ARNT2: variants seen among roughly 807,000 people sequenced by gnomAD.
The protein encoded by ARNT2 is ARNT protein 2.
In ARNT2, 36 loss-of-function variants were observed where a neutral mutation model predicts 91.7. The observed-to-expected ratio is 0.39, with a 90% CI of 0.30 to 0.52. ARNT2 has a LOEUF of 0.52. ARNT2 is among the 20% of genes least tolerant of loss of function. The probability of loss-of-function intolerance (pLI) is 0.72; values close to 1 mark genes in which losing one functional copy is unlikely to be tolerated. For missense variants in ARNT2, 775 were observed against 939.3 expected (o/e 0.83, Z 2.29); for synonymous variants, 365 against 347.1 (o/e 1.05, Z -0.57).
chr15:80,461,280 CAG>C (rs1234051044), intron 3 of ARNT2, among the ~76,000 whole-genome samples: 1 of 152,192 alleles, frequency 6.6e-6, no homozygotes, highest in African/African-American at 2.4e-5. Context: ...TTCTCAGACT[CAG>C]GGTTGAGGAT....
intron 12 of ARNT2, among the ~76,000 whole-genome samples, chr15:80,564,741 A>G (rs1342559613): frequency 8.0e-6 from 1 of 125,592 alleles, no homozygotes; most frequent in African/African-American, 3.0e-5. Flanking sequence ...GTCTGTGAGT[A>G]CCCAATGTTT....
At chr15:80,473,370 A>G (rs1013684598) in intron 4 of ARNT2, among the ~76,000 whole-genome samples, 7 of 152,196 alleles carry the variant, frequency 4.6e-5, no homozygotes, top group African/African-American at 1.4e-4. Flanking sequence ...GCTTCATCCC[A>G]TAAGACCTCC....
intron 5 of ARNT2, among the ~76,000 whole-genome samples, chr15:80,497,796 T>C (rs1018143303): frequency 3.9e-5 from 6 of 152,194 alleles, no homozygotes; most frequent in African/African-American, 1.2e-4. Context: ...GCAGAGGAGA[T>C]AATTATAAGT....
intron 8 of ARNT2, among the ~76,000 whole-genome samples, chr15:80,521,924 T>C (rs906622377): frequency 3.9e-5 from 6 of 152,136 alleles, no homozygotes; most frequent in Non-Finnish European, 4.4e-5. Context: ...TCACGTACAT[T>C]CCTTTGCTCA....
chr15:80,534,243 A>G (rs539720025), intron 8 of ARNT2, among the ~76,000 whole-genome samples: 36 of 152,208 alleles, frequency 2.4e-4, no homozygotes, highest in Non-Finnish European at 3.8e-4. Flanking sequence ...TTTGAGAATG[A>G]TGTACAACGT....
chr15:80,558,237 A>T (rs1210996935), intron 11 of ARNT2, among the ~76,000 whole-genome samples: 1 of 151,504 alleles, frequency 6.6e-6, no homozygotes, highest in African/African-American at 2.4e-5. Flanking sequence ...CTTCATAGCA[A>T]CTATTTATTT....
intron 8 of ARNT2, among the ~76,000 whole-genome samples, chr15:80,536,884 T>C (rs781754587): frequency 2.0e-5 from 3 of 152,008 alleles, no homozygotes; most frequent in African/African-American, 7.2e-5. Context: ...ATGAAGTGCT[T>C]TTGTGGTCAT....
chr15:80,580,958 G>C (rs1327008681), intron 16 of ARNT2: 1 of 524,456 alleles, frequency 1.9e-6, no homozygotes, highest in African/African-American at 1.9e-5. Flanking sequence ...GGAGTTCTAG[G>C]TGTTCATAAT....
At chr15:80,468,149 A>G (rs1263048675) in intron 3 of ARNT2, among the ~76,000 whole-genome samples, 3 of 151,996 alleles carry the variant, frequency 2.0e-5, no homozygotes, top group Admixed American at 2.0e-4. Context: ...CTGTGGACCA[A>G]CGGCATTTGT....
At chr15:80,540,299 G>C (rs148625039) in intron 8 of ARNT2, among the ~76,000 whole-genome samples, 10 of 152,082 alleles carry the variant, frequency 6.6e-5, no homozygotes, top group Non-Finnish European at 1.5e-4. Flanking sequence ...CCAGTTTCTC[G>C]TATCTTCACT....
chr15:80,427,821 A>G (rs1238968596), intron 1 of ARNT2, among the ~76,000 whole-genome samples: 2 of 152,242 alleles, frequency 1.3e-5, no homozygotes, highest in Non-Finnish European at 2.9e-5. Flanking sequence ...CAGCTCTTCG[A>G]TAATTCTCTG....
chr15:80,558,146 CT>C (rs1898233899), intron 11 of ARNT2, among the ~76,000 whole-genome samples: 1 of 152,124 alleles, frequency 6.6e-6, no homozygotes, highest in South Asian at 2.1e-4. Context: ...CAGCTTTCCA[CT>C]CATATTGTCT....
At chr15:80,489,330 C>G (rs1233927901) in intron 5 of ARNT2, among the ~76,000 whole-genome samples, 1 of 152,200 alleles carries the variant, frequency 6.6e-6, no homozygotes, top group Non-Finnish European at 1.5e-5. Context: ...AGGAAAACAT[C>G]TGCATCCAGT....
intron 1 of ARNT2, among the ~76,000 whole-genome samples, chr15:80,410,106 A>T (rs1895659308): frequency 6.6e-6 from 1 of 152,120 alleles, no homozygotes; most frequent in African/African-American, 2.4e-5. Context: ...AGCCAATTGG[A>T]CTGAAGCGGG....
intron 3 of ARNT2, among the ~76,000 whole-genome samples, chr15:80,464,343 G>C (rs1476452671): frequency 6.6e-6 from 1 of 152,062 alleles, no homozygotes; most frequent in African/African-American, 2.4e-5. Flanking sequence ...TGCAAGGATC[G>C]ATTGCAGTCA....
At chr15:80,546,819 C>T (rs1897997911) in intron 8 of ARNT2, among the ~76,000 whole-genome samples, 1 of 151,924 alleles carries the variant, frequency 6.6e-6, no homozygotes, top group African/African-American at 2.4e-5. Context: ...AAAAATTAGC[C>T]ATGTGCGGTG....
intron 8 of ARNT2, among the ~76,000 whole-genome samples, chr15:80,536,033 C>G (rs1897817843): frequency 6.6e-6 from 1 of 152,174 alleles, no homozygotes; most frequent in African/African-American, 2.4e-5. Context: ...CAATCACATC[C>G]TTTTATTATG....
At chr15:80,436,926 T>C (rs563710407) in intron 1 of ARNT2, among the ~76,000 whole-genome samples, 37 of 152,274 alleles carry the variant, frequency 2.4e-4, no homozygotes, top group African/African-American at 7.9e-4. Context: ...ACTTATTGCC[T>C]CCTCCAGAGC....
intron 12 of ARNT2, among the ~76,000 whole-genome samples, chr15:80,566,118 A>G (rs1364339510): frequency 6.6e-6 from 1 of 152,156 alleles, no homozygotes; most frequent in Non-Finnish European, 1.5e-5. Flanking sequence ...GTCTGCAGTA[A>G]CTATCACTGA....
Sources: allele counts gnomAD v4.1 joint callset (sites outside exome capture counted in the v4.1 genomes callset), GRCh38; gene constraint gnomAD v4.1.1; transcripts MANE v1.5; gene names NCBI Gene and HGNC (gene_info 2026-07-23, HGNC 2026-07-21).